The following MYO9A variants were observed in gnomAD, a reference collection of about 807,000 sequenced individuals.
MYO9A encodes the protein myosin IXA.
Under a neutral mutation model 293.3 loss-of-function variants are expected in MYO9A, and 103 were observed. That is an observed-to-expected ratio of 0.35 (90% CI 0.30 to 0.41). MYO9A has a LOEUF of 0.41. Among genes scored for constraint, MYO9A ranks in the 10% least tolerant of loss-of-function variants. The pLI, the probability that MYO9A is intolerant of heterozygous loss-of-function variation, is 1.00. For synonymous variants in MYO9A, 1,001 were observed against 1,035.7 expected (o/e 0.97, Z 0.64); for missense variants, 2,685 against 3,033.0 (o/e 0.89, Z 2.69).
At chr15:71,919,973 C>G (rs971703724) in intron 18 of MYO9A, among the ~76,000 whole-genome samples, 1 of 150,742 alleles carries the variant, frequency 6.6e-6, no homozygotes, top group Non-Finnish European at 1.5e-5. Context: ...AGAGTCATTA[C>G]TAAAGGTCAG....
At position 71,848,461 on chromosome 15, in the gene MYO9A, G is replaced by A. The variant is rs2055486726; in HGVS notation, c.6837+384C>T. On this transcript the variant is annotated intron_variant, in intron 39 of 41. Transcript: ENST00000356056. ...AAATGATTAAGTTCTCTACATCCCA[G>A]GGGTCTTGGCAGGACCACCAAAAGT... 2.0e-5 allele frequency among the ~76,000 whole-genome samples: 3 copies of A among 152,094 alleles called. No individual in the cohort carries two copies. In the South Asian group the frequency reaches 6.2e-4, roughly 32 times the overall value.
chr15:71,862,177 A>C (rs2056162519), intron 33 of MYO9A, among the ~76,000 whole-genome samples: 1 of 152,116 alleles, frequency 6.6e-6, no homozygotes, highest in Non-Finnish European at 1.5e-5. Flanking sequence ...GGTGGCATTT[A>C]AACTGGGGGT....
rs539914073 is a variant in MYO9A at position 72,077,342 on chromosome 15, G to A, written c.-71-30708C>T. Among the ~76,000 whole-genome samples, 4 of 152,278 alleles carry A rather than the reference G, an allele frequency of 2.6e-5. No homozygotes were observed. In the South Asian group the frequency reaches 8.3e-4, roughly 32 times the overall value. Reference sequence around the variant, plus strand: ...TAAGAGAATGAAAAGACAAGCCACAGACTGACAGAAAATCTTTGCAAAACA... The same window carrying A: ...TAAGAGAATGAAAAGACAAGCCACAAACTGACAGAAAATCTTTGCAAAACA... On this transcript the variant is annotated intron_variant, in intron 1 of 41. Transcript: ENST00000356056.
chr15:72,055,375 C>G (rs2078691064), intron 1 of MYO9A, among the ~76,000 whole-genome samples: 1 of 152,122 alleles, frequency 6.6e-6, no homozygotes, highest in African/African-American at 2.4e-5. Flanking sequence ...AAAAATTCTA[C>G]AAGATAATGT....
chr15:71,952,032 G>A, intron 14 of MYO9A, 136 bp from the exon 15 acceptor site: 1 of 881,584 alleles, frequency 1.1e-6, no homozygotes, highest in East Asian at 3.0e-5. Flanking sequence ...AATAATAGAG[G>A]TTATATGTGA....
intron 18 of MYO9A, among the ~76,000 whole-genome samples, chr15:71,924,024 T>C (rs979253148): frequency 4.0e-5 from 6 of 151,008 alleles, no homozygotes; most frequent in Non-Finnish European, 7.4e-5. Flanking sequence ...CTGTAGACCA[T>C]AGGTTTTAGT....
intron 13 of MYO9A, among the ~76,000 whole-genome samples, chr15:71,964,401 C>A (rs550709408): frequency 6.6e-6 from 1 of 152,104 alleles, no homozygotes; most frequent in Non-Finnish European, 1.5e-5. Flanking sequence ...AATCCCAGCA[C>A]TCTGGGAGAC....
intron 2 of MYO9A, among the ~76,000 whole-genome samples, chr15:72,043,798 G>A (rs186163837): frequency 3.9e-4 from 60 of 152,150 alleles, no homozygotes; most frequent in African/African-American, 1.4e-3. Context: ...ACATGTCAAA[G>A]TTTATCATGT....
chr15:71,997,113 A>C (rs1469028717), intron 9 of MYO9A, among the ~76,000 whole-genome samples: 1 of 152,118 alleles, frequency 6.6e-6, no homozygotes, highest in African/African-American at 2.4e-5. Context: ...ATTCCTCCAA[A>C]TGGTTCTAAA....
intron 31 of MYO9A, among the ~76,000 whole-genome samples, chr15:71,877,655 G>T (rs2056735903): frequency 6.6e-6 from 1 of 152,042 alleles, no homozygotes; most frequent in African/African-American, 2.4e-5. Flanking sequence ...ATAGGTTTTT[G>T]ACATGTTGAC....
chr15:71,924,096 T>C (rs1420546270), intron 18 of MYO9A, among the ~76,000 whole-genome samples: 1 of 152,122 alleles, frequency 6.6e-6, no homozygotes, highest in African/African-American at 2.4e-5. Flanking sequence ...AGTATCTCCT[T>C]TGACTCATTT....
chr15:71,841,367 T>C (rs1351433046), intron 39 of MYO9A, among the ~76,000 whole-genome samples: 1 of 152,170 alleles, frequency 6.6e-6, no homozygotes, highest in African/African-American at 2.4e-5. Flanking sequence ...TTCAGATATA[T>C]TTTTTATCAT....
chr15:72,085,734 CTT>C (rs2079698447), intron 1 of MYO9A, among the ~76,000 whole-genome samples: 2 of 152,326 alleles, frequency 1.3e-5, no homozygotes, highest in Admixed American at 6.5e-5. Flanking sequence ...TACGCTGGTT[CTT>C]TCTCAACTTT....
chr15:71,997,100 T>C (rs1473491239), intron 9 of MYO9A, among the ~76,000 whole-genome samples: 1 of 152,126 alleles, frequency 6.6e-6, no homozygotes, highest in African/African-American at 2.4e-5. Flanking sequence ...AAAAAACTAA[T>C]ACATTCCTCC....
intron 8 of MYO9A, among the ~76,000 whole-genome samples, chr15:72,007,345 A>C (rs926128441): frequency 6.6e-6 from 1 of 152,054 alleles, no homozygotes; most frequent in Non-Finnish European, 1.5e-5. Context: ...ATGTAAGAAG[A>C]AGCATGGTAG....
At chr15:71,925,409 A>T (rs1316057389) in intron 18 of MYO9A, among the ~76,000 whole-genome samples, 1 of 151,016 alleles carries the variant, frequency 6.6e-6, no homozygotes, top group South Asian at 2.1e-4. Flanking sequence ...ACGTATATAC[A>T]TATCTATGTA....
chr15:72,116,421 A>G (rs2151248411), intron 1 of MYO9A, among the ~76,000 whole-genome samples: 1 of 152,276 alleles, frequency 6.6e-6, no homozygotes, highest in East Asian at 1.9e-4. Flanking sequence ...ACTTCTACAA[A>G]CATTTTATTC....
intron 2 of MYO9A, among the ~76,000 whole-genome samples, chr15:72,042,369 C>T (rs1318319876): frequency 6.6e-6 from 1 of 151,702 alleles, no homozygotes; most frequent in Non-Finnish European, 1.5e-5. Context: ...AAAACAATGT[C>T]CCTCATGATG....
chr15:72,003,330 A>G (rs1244308690), intron 8 of MYO9A, among the ~76,000 whole-genome samples: 3 of 151,902 alleles, frequency 2.0e-5, no homozygotes, highest in African/African-American at 4.8e-5. Flanking sequence ...AAAAGAAAAA[A>G]ACTAAGAAAC....
Sources: gnomAD v4.1 joint callset for allele counts (sites outside exome capture counted in the v4.1 genomes callset) on GRCh38, gnomAD v4.1.1 for gene constraint, MANE v1.5 for transcripts, NCBI Gene and HGNC (gene_info 2026-07-23, HGNC 2026-07-21) for gene names.